The following NAV3 variants were observed in gnomAD, a reference collection of about 807,000 sequenced individuals.
The protein encoded by NAV3 is pore membrane and/or filament interacting like protein 1.
NAV3 carries 87 observed loss-of-function variants against 244.7 expected under a neutral mutation model. That is an observed-to-expected ratio of 0.36 (90% CI 0.30 to 0.42). NAV3 has a LOEUF of 0.42. Among genes scored for constraint, NAV3 ranks in the 20% least tolerant of loss-of-function variants. The probability of loss-of-function intolerance (pLI) is 1.00; values close to 1 mark genes in which losing one functional copy is unlikely to be tolerated. For synonymous variants in NAV3, 1,126 were observed against 1,042.2 expected (o/e 1.08, Z -1.55); for missense variants, 2,663 against 2,893.3 (o/e 0.92, Z 1.83).
chr12:77,692,400 C>A (rs1202417570), intron 2 of NAV3, among the ~76,000 whole-genome samples: 1 of 152,012 alleles, frequency 6.6e-6, no homozygotes, highest in Non-Finnish European at 1.5e-5. Context: ...AGCTTTATTC[C>A]ATTAAGGAAA....
intron 3 of NAV3, among the ~76,000 whole-genome samples, chr12:77,954,412 T>G (rs1056214737): frequency 2.6e-5 from 4 of 152,186 alleles, no homozygotes; most frequent in Admixed American, 2.6e-4. Context: ...AAGAGCAAGC[T>G]CATTGCAGAA....
chr12:78,148,962 T>C (rs1003788638), intron 22 of NAV3, 43 bp downstream of exon 22: 1 of 1,476,646 alleles, frequency 6.8e-7, no homozygotes, highest in Non-Finnish European at 9.3e-7. Flanking sequence ...CAAATTTTTA[T>C]AGAGGAAAAT....
intron 3 of NAV3, among the ~76,000 whole-genome samples, chr12:77,948,391 A>G (rs1445334782): frequency 6.6e-6 from 1 of 151,952 alleles, no homozygotes; most frequent in African/African-American, 2.4e-5. Flanking sequence ...ATTTTTAAGG[A>G]CATTAAATTT....
At chr12:77,736,412 G>C (rs901072745) in intron 2 of NAV3, among the ~76,000 whole-genome samples, 1 of 152,148 alleles carries the variant, frequency 6.6e-6, no homozygotes, top group Non-Finnish European at 1.5e-5. Flanking sequence ...CAGCTGAATG[G>C]TTCTTATGTC....
chr12:78,186,041 C>T (rs962718789), intron 31 of NAV3, among the ~76,000 whole-genome samples: 2 of 151,728 alleles, frequency 1.3e-5, no homozygotes, highest in Non-Finnish European at 2.9e-5. Flanking sequence ...GATGTGCAGT[C>T]GCTAGAGCTG....
intron 2 of NAV3, among the ~76,000 whole-genome samples, chr12:77,717,330 G>A (rs2137277743): frequency 6.6e-6 from 1 of 152,032 alleles, no homozygotes; most frequent in East Asian, 1.9e-4. Context: ...CCTTCTATGA[G>A]TTTGACTACA....
In NAV3 at chr12:78,050,906, C is replaced by T. The variant is rs772909595; in HGVS notation, c.2275C>T (p.Leu759=). 2.5e-6 allele frequency: 4 copies of T among 1,614,076 alleles called. No individual in the cohort carries two copies. The highest frequency in any genetic ancestry group is 2.5e-6 in the Non-Finnish European group (3 of 1,179,992). The change falls in exon 11 of 40, where the codon CTG becomes TTG. Residue 759 remains leucine (L), a synonymous_variant. Transcript: ENST00000397909. ...PRLQAGDAPS[L]GAGYPRSGTS... is the part of the protein sequence containing the mutation. ...ACTTCAGGCGGGAGATGCTCCCTCC[C>T]TGGGTGCTGGCTATCCTCGCAGTGG...
intron 2 of NAV3, among the ~76,000 whole-genome samples, chr12:77,684,884 T>A (rs1592579727): frequency 6.6e-6 from 1 of 152,180 alleles, no homozygotes; most frequent in Admixed American, 6.5e-5. Context: ...AGATATATAT[T>A]TAACCCAGCA....
chr12:78,018,902 A>G (rs1876683363), intron 8 of NAV3, among the ~76,000 whole-genome samples: 1 of 152,134 alleles, frequency 6.6e-6, no homozygotes, highest in Admixed American at 6.6e-5. Flanking sequence ...CCCACAATAG[A>G]TGAAGCCAGG....
At chr12:77,984,314 T>C (rs1302655794) in intron 5 of NAV3, among the ~76,000 whole-genome samples, 1 of 152,178 alleles carries the variant, frequency 6.6e-6, no homozygotes, top group Non-Finnish European at 1.5e-5. Context: ...GCCATGCTTA[T>C]GTGCTTTCAA....
chr12:77,930,559 A>G (rs1888685195), intron 1 of NAV3, among the ~76,000 whole-genome samples: 1 of 152,102 alleles, frequency 6.6e-6, no homozygotes, highest in African/African-American at 2.4e-5. Context: ...CAATTCTAGA[A>G]TCATTTCTCT....
intron 1 of NAV3, among the ~76,000 whole-genome samples, chr12:77,893,066 G>A (rs1283063957): frequency 6.6e-6 from 1 of 152,070 alleles, no homozygotes; most frequent in Non-Finnish European, 1.5e-5. Context: ...GGGTTTGGAT[G>A]GACTGAATTA....
intron 1 of NAV3, among the ~76,000 whole-genome samples, chr12:77,861,276 C>T (rs757205260): frequency 2.6e-5 from 4 of 151,808 alleles, no homozygotes; most frequent in Non-Finnish European, 5.9e-5. Context: ...CACCCATCTA[C>T]ATGACCCTCT....
At chr12:77,993,961 T>G (rs1298627055) in intron 5 of NAV3, among the ~76,000 whole-genome samples, 1 of 152,200 alleles carries the variant, frequency 6.6e-6, no homozygotes, top group Non-Finnish European at 1.5e-5. Context: ...ACTATATCTT[T>G]CAGAATACTG....
At position 78,067,771 on chromosome 12, in the gene NAV3, T is replaced by G. The variant is rs564759235; in HGVS notation, c.2636+8656T>G. Among the ~76,000 whole-genome samples, 6 of 152,228 alleles carry G rather than the reference T, an allele frequency of 3.9e-5. No individual in the cohort carries two copies. The East Asian group carries it at 1.2e-3, about 29-fold the overall frequency. ...AGATTGTAGCTCTAAATGCTATTTT[T>G]TCATAAGACTCACCTTGACATTAAA... On this transcript the variant is annotated intron_variant, in intron 12 of 39. Transcript: ENST00000397909.
At chr12:77,736,167 C>G (rs1877326170) in intron 2 of NAV3, among the ~76,000 whole-genome samples, 2 of 152,124 alleles carry the variant, frequency 1.3e-5, no homozygotes, top group Non-Finnish European at 2.9e-5. Context: ...TCTTTAAAAG[C>G]CAACCTTATT....
chr12:77,800,458 AT>A (rs1213690717), intron 2 of NAV3, among the ~76,000 whole-genome samples: 1 of 152,178 alleles, frequency 6.6e-6, no homozygotes, highest in Non-Finnish European at 1.5e-5. Context: ...TGGTGCTCAC[AT>A]TCTTCCTGGG....
chr12:77,630,841 T>C (rs1020584990), intron 2 of NAV3, among the ~76,000 whole-genome samples: 1 of 152,224 alleles, frequency 6.6e-6, no homozygotes, highest in Non-Finnish European at 1.5e-5. Flanking sequence ...ACCCTCTGAA[T>C]GCTAGGTGAA....
chr12:78,064,050 TAA>T (rs1278821634), intron 12 of NAV3, among the ~76,000 whole-genome samples: 1 of 152,114 alleles, frequency 6.6e-6, no homozygotes, highest in Non-Finnish European at 1.5e-5. Context: ...AGGGATGAGA[TAA>T]AGACAGGTAG....
Sources: gnomAD v4.1 joint callset for allele counts (sites outside exome capture counted in the v4.1 genomes callset) on GRCh38, gnomAD v4.1.1 for gene constraint, MANE v1.5 for transcripts, NCBI Gene and HGNC (gene_info 2026-07-23, HGNC 2026-07-21) for gene names.